NWD2: variants seen among roughly 807,000 people sequenced by gnomAD.
The protein encoded by NWD2 is NACHT and WD repeat domain containing 2, also known as NACHT and WD repeat domain-containing protein 2.
NWD2 carries 37 observed loss-of-function variants against 132.7 expected under a neutral mutation model. That is an observed-to-expected ratio of 0.28 (90% CI 0.21 to 0.37). NWD2 has a LOEUF of 0.37. Among genes scored for constraint, NWD2 ranks in the 10% least tolerant of loss-of-function variants. NWD2 has a pLI of 1.00. For missense variants in NWD2, 1,592 were observed against 2,122.4 expected (o/e 0.75, Z 4.91); for synonymous variants, 705 against 803.0 (o/e 0.88, Z 2.06).
chr4:37,342,834 A>G (rs1719554746), intron 2 of NWD2, among the ~76,000 whole-genome samples: 1 of 152,046 alleles, frequency 6.6e-6, no homozygotes, highest in Admixed American at 6.6e-5. Context: ...GCATCATCCA[A>G]CCTCATATTG....
intron 1 of NWD2, among the ~76,000 whole-genome samples, chr4:37,269,753 C>A (rs1402064021): frequency 6.6e-6 from 1 of 151,850 alleles, no homozygotes; most frequent in Non-Finnish European, 1.5e-5. Context: ...ATTGTTTACA[C>A]GTTATCTTTT....
intron 1 of NWD2, among the ~76,000 whole-genome samples, chr4:37,315,338 T>C (rs1295544226): frequency 1.3e-5 from 2 of 152,136 alleles, no homozygotes; most frequent in Non-Finnish European, 2.9e-5. Flanking sequence ...TGATTTTCTA[T>C]TTAGTTATTT....
At chr4:37,275,611 A>G (rs1458765445) in intron 1 of NWD2, among the ~76,000 whole-genome samples, 1 of 152,172 alleles carries the variant, frequency 6.6e-6, no homozygotes, top group Non-Finnish European at 1.5e-5. Flanking sequence ...AAGAGCCCAC[A>G]TCGCCAAGTC....
Position 37,444,953 on chromosome 4 carries a change from G to T in NWD2, c.2965G>T (p.Gly989Cys), listed in dbSNP as rs1712593882. 8.4e-6 allele frequency: 13 copies of T among 1,552,122 alleles called. No individual in the cohort carries two copies. The East Asian group carries it at 3.2e-4, about 38-fold the overall frequency. ...PSTVLTALEN[G>C]SISTWDVETR... Reference sequence around the variant, plus strand: ...CACTGTCCTCACAGCTTTAGAAAATGGTTCCATCAGCACCTGGGATGTAGA... The same window carrying T: ...CACTGTCCTCACAGCTTTAGAAAATTGTTCCATCAGCACCTGGGATGTAGA... The change falls in exon 7 of 7, where the codon GGT (glycine) becomes TGT (cysteine). Residue 989 changes from glycine (G) to cysteine (C), a missense_variant. Gly to Cys is a radical substitution (Grantham distance 159, BLOSUM62 -3). Transcript: ENST00000309447. The surrounding 1 kb of genome is among the most constrained non-coding windows in gnomAD (Gnocchi z 4.8).
intron 1 of NWD2, among the ~76,000 whole-genome samples, chr4:37,305,096 A>G (rs1718683220): frequency 6.6e-6 from 1 of 152,226 alleles, no homozygotes; most frequent in Admixed American, 6.5e-5. Context: ...GCTACGTGGA[A>G]GTTGCCAATG....
intron 3 of NWD2, among the ~76,000 whole-genome samples, chr4:37,401,216 C>A (rs1433932728): frequency 2.0e-5 from 3 of 152,104 alleles, no homozygotes; most frequent in Non-Finnish European, 4.4e-5. Context: ...GATCTTATTT[C>A]CCTCTTATTG....
At chr4:37,290,748 A>G (rs1029647786) in intron 1 of NWD2, among the ~76,000 whole-genome samples, 70 of 152,234 alleles carry the variant, frequency 4.6e-4, no homozygotes, top group African/African-American at 1.5e-3. Flanking sequence ...GCTCAGTCAG[A>G]TAGGTTCCTA....
chr4:37,446,799 T>C lies in NWD2; in HGVS notation c.4811T>C (p.Leu1604Pro), dbSNP rs896996588. 1 of 1,551,970 alleles carries C rather than the reference T, an allele frequency of 6.4e-7. No homozygotes were observed. The highest frequency in any genetic ancestry group is 8.7e-7 in the Non-Finnish European group (1 of 1,147,068). ...ATATTCAGTTTAATTGTAATGAGAC[T>C]GGCAGATGGCAAAAATATCGGTGCT... is the stretch of plus-strand genomic sequence containing the variant. ...GAIFSLIVMR[L>P]ADGKNIGACS... Residue 1604 changes from leucine (L) to proline (P), a missense_variant, in exon 7 of 7, where the codon CTG becomes CCG. Coordinates refer to ENST00000309447, the MANE Select transcript of NWD2 (RefSeq NM_001144990.2). This position sits in a 1 kb window ranked among gnomAD's most constrained non-coding sequence, Gnocchi z 6.7.
At chr4:37,420,381 T>G (rs1711770698) in intron 3 of NWD2, among the ~76,000 whole-genome samples, 1 of 152,204 alleles carries the variant, frequency 6.6e-6, no homozygotes, top group African/African-American at 2.4e-5. Context: ...GGTATCTGAC[T>G]GCTCTCCTAG....
intron 2 of NWD2, among the ~76,000 whole-genome samples, chr4:37,344,393 T>G (rs936105940): frequency 7.9e-5 from 12 of 152,220 alleles, no homozygotes; most frequent in South Asian, 6.2e-4. Flanking sequence ...AAGAACAATT[T>G]AAGGGAGAAA....
chr4:37,308,630 T>C (rs1180149211), intron 1 of NWD2, among the ~76,000 whole-genome samples: 1 of 152,146 alleles, frequency 6.6e-6, no homozygotes, highest in Non-Finnish European at 1.5e-5. Flanking sequence ...TGGCAGTCCC[T>C]GGGCAGCAGG....
chr4:37,302,440 C>G (rs1306986580), intron 1 of NWD2, among the ~76,000 whole-genome samples: 9 of 152,086 alleles, frequency 5.9e-5, no homozygotes, highest in African/African-American at 1.9e-4. Context: ...AGATACCTCT[C>G]TGATATTCTG....
At chr4:37,298,643 A>G (rs1718549694) in intron 1 of NWD2, among the ~76,000 whole-genome samples, 1 of 152,146 alleles carries the variant, frequency 6.6e-6, no homozygotes, top group African/African-American at 2.4e-5. Context: ...GATAGATGTA[A>G]AAGAAACTAT....
intron 2 of NWD2, among the ~76,000 whole-genome samples, chr4:37,341,062 G>A (rs752670126): frequency 2.0e-5 from 3 of 152,280 alleles, no homozygotes; most frequent in East Asian, 3.9e-4. Context: ...TTTGACTTAC[G>A]ATTTCTTGAC....
chr4:37,354,271 T>C (rs890398094), intron 2 of NWD2, among the ~76,000 whole-genome samples: 3 of 152,126 alleles, frequency 2.0e-5, no homozygotes, highest in Non-Finnish European at 4.4e-5. Flanking sequence ...CTGTATGAGA[T>C]GTCTGTTGAC....
chr4:37,408,680 A>G (rs1444129770), intron 3 of NWD2, among the ~76,000 whole-genome samples: 2 of 152,182 alleles, frequency 1.3e-5, no homozygotes, highest in African/African-American at 4.8e-5. Flanking sequence ...GAGCTCTGCT[A>G]AGGGTCAGAC....
At position 37,444,838 on chromosome 4, in the gene NWD2, A is replaced by G. The variant is rs1220213832; in HGVS notation, c.2850A>G (p.Ser950=). The G allele has an allele frequency of 6.4e-7, 1 of 1,552,192 alleles. No homozygotes were observed. The highest frequency in any genetic ancestry group is 1.2e-5 in the South Asian group (1 of 84,062). Residue 950 remains serine, a synonymous_variant, in exon 7 of 7, where the codon TCA becomes TCG. Transcript: ENST00000309447. This position sits in a 1 kb window ranked among gnomAD's most constrained non-coding sequence, Gnocchi z 4.8. The part of the protein sequence containing the change: ...PKYCSIVPLH[S]SMDVTYSPER... ...ATTGCTCCATTGTACCACTGCATTC[A>G]TCCATGGATGTGACATACAGCCCAG...
At chr4:37,404,753 C>A (rs1055835866) in intron 3 of NWD2, among the ~76,000 whole-genome samples, 25 of 152,156 alleles carry the variant, frequency 1.6e-4, no homozygotes, top group Admixed American at 5.9e-4. Flanking sequence ...TCTGGAGAGG[C>A]CTCAGGGAAC....
chr4:37,337,799 C>CT (rs1014410422), intron 2 of NWD2, among the ~76,000 whole-genome samples: 47 of 150,234 alleles, frequency 3.1e-4, no homozygotes, highest in East Asian at 1.7e-3. Flanking sequence ...AATTCTCTGA[C>CT]TTTTTTTTTT....
Sources: gnomAD v4.1 joint callset for allele counts (sites outside exome capture counted in the v4.1 genomes callset) on GRCh38, gnomAD v4.1.1 for gene constraint, Gnocchi (gnomAD v3.1) non-coding constraint, MANE v1.5 for transcripts, NCBI Gene and HGNC (gene_info 2026-07-23, HGNC 2026-07-21) for gene names.